AGMO: variants seen among roughly 807,000 people sequenced by gnomAD.
AGMO encodes alkylglycerol monooxygenase, also known as glyceryl-ether monooxygenase.
A neutral mutation model predicts 60.2 loss-of-function variants in AGMO; 75 were observed. The observed-to-expected ratio is 1.25, with a 90% CI of 1.03 to 1.51. The LOEUF (loss-of-function observed/expected upper bound fraction) is 1.51. Ranked by LOEUF, AGMO falls within the 40% of genes most tolerant of loss-of-function variation. The pLI, the probability that AGMO is intolerant of heterozygous loss-of-function variation, is 0.00. For synonymous variants in AGMO, 261 were observed against 177.1 expected, an observed-to-expected ratio of 1.47 and a Z score of -3.76; for missense variants, 763 against 525.5, an observed-to-expected ratio of 1.45 and a Z score of -4.42.
intron 3 of AGMO, among the ~76,000 whole-genome samples, chr7:15,529,893 T>C (rs1388408158): frequency 2.8e-5 from 1 of 36,080 alleles, no homozygotes; most frequent in Non-Finnish European, 4.5e-5. Flanking sequence ...ATATTCTATA[T>C]ACGTATTTCC....
chr7:15,303,128 GA>G (rs201141935), intron 12 of AGMO, among the ~76,000 whole-genome samples: 1 of 151,452 alleles, frequency 6.6e-6, no homozygotes, highest in Non-Finnish European at 1.5e-5. Flanking sequence ...AGATGGTTTT[GA>G]AAAAAAAGTG....
At chr7:15,494,143 T>TA (rs543544843) in intron 3 of AGMO, among the ~76,000 whole-genome samples, 45 of 152,300 alleles carry the variant, frequency 3.0e-4, no homozygotes, top group African/African-American at 1.1e-3. Flanking sequence ...ATACTACACC[T>TA]AATGGGAACT....
At chr7:15,282,752 G>C (rs1266010278) in intron 12 of AGMO, among the ~76,000 whole-genome samples, 1 of 152,088 alleles carries the variant, frequency 6.6e-6, no homozygotes, top group Non-Finnish European at 1.5e-5. Flanking sequence ...TCCTAGGAGA[G>C]TCATTGCAAA....
chr7:15,335,825 C>A (rs138163107), intron 12 of AGMO, among the ~76,000 whole-genome samples: 1 of 152,276 alleles, frequency 6.6e-6, no homozygotes, highest in Non-Finnish European at 1.5e-5. Context: ...TAGCCATTCA[C>A]AATATTCGGA....
In AGMO at chr7:15,379,886, G is replaced by C. The variant is rs73066516; in HGVS notation, c.1074+5560C>G. 3.3e-5 allele frequency among the ~76,000 whole-genome samples: 5 copies of C among 151,980 alleles called. No individual in the cohort carries two copies. The East Asian group carries it at 7.7e-4, about 24-fold the overall frequency. On this transcript the variant is annotated intron_variant, in intron 10 of 12. Coordinates refer to ENST00000342526, the MANE Select transcript of AGMO (RefSeq NM_001004320.2). ...CAAATCAGTCAATGTGATTCATTAC[G>C]TTAACAGAACTAAAGACAGAAAGCA...
At chr7:15,222,631 T>A (rs969197977) in intron 12 of AGMO, among the ~76,000 whole-genome samples, 3 of 152,076 alleles carry the variant, frequency 2.0e-5, no homozygotes, top group South Asian at 2.1e-4. Flanking sequence ...TTAAATAAAT[T>A]ATTTTCCCCA....
Position 15,385,590 on chromosome 7 carries a change from T to C in AGMO, c.958-28A>G, listed in dbSNP as rs371899719. On this transcript the variant is annotated intron_variant, in intron 9 of 12. Coordinates refer to ENST00000342526, the MANE Select transcript of AGMO (RefSeq NM_001004320.2). ...AGGGAGACAAGAACCATTTCCTTTA[T>C]ATTGCTCCAGACTCATTTTTCTTAC... The C allele has an allele frequency of 6.9e-6, 9 of 1,297,216 alleles. No individual in the cohort carries two copies. In the African/African-American group the frequency reaches 1.0e-4, roughly 15 times the overall value. The allele number at this position is 1,297,216 out of a possible 1,614,324, so 80.4% of individuals were successfully genotyped here.
At chr7:15,118,173 A>AAT in the AGMO span, among the ~76,000 whole-genome samples, 2 of 144,590 alleles carry the variant, frequency 1.4e-5, no homozygotes, top group Non-Finnish European at 3.0e-5. Flanking sequence ...ACTAAAGAGA[A>AAT]ACACACACAC....
intron 3 of AGMO, among the ~76,000 whole-genome samples, chr7:15,434,352 T>C (rs553036860): frequency 6.6e-6 from 1 of 152,178 alleles, no homozygotes; most frequent in African/African-American, 2.4e-5. Context: ...TACCTTTGAG[T>C]GTGAGCCAGA....
chr7:15,256,598 G>A lies in AGMO; in HGVS notation c.1264-55239C>T, dbSNP rs527481063. 1.2e-4 allele frequency among the ~76,000 whole-genome samples: 19 copies of A among 152,190 alleles called. No homozygotes were observed. The South Asian group carries it at 2.9e-3, about 23-fold the overall frequency. ...AGGATGGTCTAGATCTCCTGACCTCGTGTTCCACCCACCTCGGCCTCCCAA... is the reference window on the plus strand; with the variant it reads ...AGGATGGTCTAGATCTCCTGACCTCATGTTCCACCCACCTCGGCCTCCCAA... On this transcript the variant is annotated intron_variant, in intron 12 of 12. Coordinates refer to ENST00000342526, the MANE Select transcript of AGMO (RefSeq NM_001004320.2).
intron 12 of AGMO, among the ~76,000 whole-genome samples, chr7:15,338,851 T>C (rs1781743897): frequency 6.6e-6 from 1 of 152,154 alleles, no homozygotes; most frequent in African/African-American, 2.4e-5. Flanking sequence ...AAATAAAAAC[T>C]ACCCAGTGTC....
intron 12 of AGMO, among the ~76,000 whole-genome samples, chr7:15,307,198 A>G (rs1408684712): frequency 6.6e-6 from 1 of 152,026 alleles, no homozygotes; most frequent in Non-Finnish European, 1.5e-5. Context: ...AGGTGAGGAC[A>G]TAATTTATAT....
At chr7:15,306,551 TATAAC>T (rs1780620096) in intron 12 of AGMO, 4 of 454,888 alleles carry the variant, frequency 8.8e-6, no homozygotes, top group South Asian at 1.6e-5. Context: ...CAATTTCACT[TATAAC>T]AGAATATGAC....
rs773771648 is a variant in AGMO, at chr7:15,390,906, CTA to C, written c.677-3_677-2del. 1.2e-4 allele frequency: 187 copies of C among 1,579,616 alleles called. No individual in the cohort carries two copies. The highest frequency in any genetic ancestry group is 1.5e-4 in the Non-Finnish European group (173 of 1,161,584). On this transcript the variant is annotated splice_acceptor_variant and splice_polypyrimidine_tract_variant and intron_variant, in intron 6 of 12. Coordinates refer to ENST00000342526, the MANE Select transcript of AGMO (RefSeq NM_001004320.2). LOFTEE classifies it high-confidence loss of function. ...TTGTCTATGCAATAACGATTTCTGC[CTA>C]TGAGACAAAATATTAGAAATTTTTT...
chr7:15,529,652 TA>T (rs1784238590), intron 3 of AGMO, among the ~76,000 whole-genome samples: 1 of 43,474 alleles, frequency 2.3e-5, no homozygotes, highest in African/African-American at 9.4e-5. Flanking sequence ...ATATACTATA[TA>T]TTCTATATAT....
chr7:15,525,608 C>A (rs1435452846), intron 3 of AGMO, among the ~76,000 whole-genome samples: 1 of 152,234 alleles, frequency 6.6e-6, no homozygotes, highest in East Asian at 1.9e-4. Flanking sequence ...TCAGGGAGAT[C>A]TCATTCTTCT....
At chr7:15,552,693 A>T (rs1460087367) in intron 2 of AGMO, among the ~76,000 whole-genome samples, 5 of 147,974 alleles carry the variant, frequency 3.4e-5, no homozygotes, top group Admixed American at 1.4e-4. Flanking sequence ...GAGGATGTGG[A>T]GAAATAGGAA....
At chr7:15,429,077 T>C (rs1023778750) in intron 4 of AGMO, among the ~76,000 whole-genome samples, 2 of 152,034 alleles carry the variant, frequency 1.3e-5, no homozygotes, top group African/African-American at 2.4e-5. Flanking sequence ...AGTTGTAAAA[T>C]AGGCAGTGAT....
intron 12 of AGMO, among the ~76,000 whole-genome samples, chr7:15,205,183 A>C (rs1781409485): frequency 6.6e-6 from 1 of 152,186 alleles, no homozygotes; most frequent in African/African-American, 2.4e-5. Flanking sequence ...TAATACACTT[A>C]CTATATTTAT....
Sources: allele counts gnomAD v4.1 joint callset (sites outside exome capture counted in the v4.1 genomes callset), GRCh38; gene constraint gnomAD v4.1.1; transcripts MANE v1.5; gene names NCBI Gene and HGNC (gene_info 2026-07-23, HGNC 2026-07-21).